The following SYTL3 variants were observed in gnomAD, a reference collection of about 807,000 sequenced individuals.
SYTL3 encodes the protein synaptotagmin-like protein 3.
SYTL3 carries 88 observed loss-of-function variants against 82.1 expected under a neutral mutation model. The observed-to-expected ratio is 1.07, with a 90% CI of 0.90 to 1.28. SYTL3 has a LOEUF of 1.28. SYTL3 is among the 50% of genes most tolerant of loss of function. The pLI, the probability that SYTL3 is intolerant of heterozygous loss-of-function variation, is 0.00. For synonymous variants in SYTL3, 311 were observed against 289.4 expected, an observed-to-expected ratio of 1.07 and a Z score of -0.76; for missense variants, 831 against 757.6, an observed-to-expected ratio of 1.10 and a Z score of -1.14.
rs71030191 is a variant in SYTL3, at chr6:158,693,855, C to CTTTTCTTTTCTTTTTTT, written c.394+10870_394+10871insCTTTTCTTTTTTTTTTT. Among the ~76,000 whole-genome samples the CTTTTCTTTTCTTTTTTT allele has an allele frequency of 2.3e-3, 226 of 96,786 alleles. 8 individuals carry two copies. Among genetic ancestry groups the CTTTTCTTTTCTTTTTTT allele is most frequent in the Non-Finnish European group, 2.9e-3 (155 of 52,652 alleles). 63.5% of individuals were successfully genotyped at this position (96,786 alleles called of 152,430 possible). A position where few individuals can be genotyped will look rare whatever the true frequency, so the allele number is the denominator to read the frequency against. ...TGCATCCAGCCTTTCTTTTTCTTTT[C>CTTTTCTTTTCTTTTTTT]TTTTTTTTTTTTTTTTTTGTAGATA... On this transcript the variant is annotated intron_variant, in intron 6 of 17. Transcript: ENST00000611299.
chr6:158,715,611 A>ACACACACACACACG (rs1783288329), intron 9 of SYTL3, among the ~76,000 whole-genome samples: 2 of 142,406 alleles, frequency 1.4e-5, no homozygotes, highest in Non-Finnish European at 3.1e-5. Context: ...ACACACACAC[A>ACACACACACACACG]CACACGCACG....
chr6:158,658,769 AC>A (rs1157511565), intron 2 of SYTL3, among the ~76,000 whole-genome samples: 1 of 80,112 alleles, frequency 1.2e-5, no homozygotes, highest in Non-Finnish European at 2.4e-5. Flanking sequence ...TACTAAAAAT[AC>A]AAAAAAAAAT....
intron 6 of SYTL3, among the ~76,000 whole-genome samples, chr6:158,704,686 C>T (rs1781786625): frequency 6.6e-6 from 1 of 152,272 alleles, no homozygotes; most frequent in South Asian, 2.1e-4. Flanking sequence ...TGGGCCTGGA[C>T]TTCAGACCAC....
At chr6:158,754,917 A>G (rs937584064) in intron 13 of SYTL3, among the ~76,000 whole-genome samples, 11 of 152,226 alleles carry the variant, frequency 7.2e-5, no homozygotes, top group Non-Finnish European at 8.8e-5. Flanking sequence ...TAACCGCTTC[A>G]TTTCTCAGAG....
At chr6:158,750,791 G>A (rs1050809569) in intron 12 of SYTL3, among the ~76,000 whole-genome samples, 4 of 152,046 alleles carry the variant, frequency 2.6e-5, no homozygotes, top group African/African-American at 4.8e-5. Context: ...GCCAGTTTTT[G>A]GGTTGTTTTG....
chr6:158,689,025 T>G lies in SYTL3; in HGVS notation c.394+6036T>G, dbSNP rs184261413. The stretch of plus-strand genomic sequence containing the variant: ...CATTGGCTATATGATTTCTGATGAG[T>G]GTATCTCACCCCGTCATAGGAATGT... On this transcript the variant is annotated intron_variant, in intron 6 of 17. Transcript: ENST00000611299. 2.9e-3 allele frequency among the ~76,000 whole-genome samples: 441 copies of G among 152,330 alleles called. 1 individual carries two copies. Among genetic ancestry groups the G allele is most frequent in the Admixed American group, 6.4e-3 (98 of 15,300 alleles).
intron 5 of SYTL3, among the ~76,000 whole-genome samples, chr6:158,666,361 T>C (rs931050810): frequency 2.0e-5 from 3 of 152,214 alleles, no homozygotes; most frequent in African/African-American, 7.2e-5. Flanking sequence ...TAGTTATCAA[T>C]TGGTGTTTAG....
chr6:158,747,240 G>A (rs961043165), intron 12 of SYTL3, among the ~76,000 whole-genome samples: 3 of 152,218 alleles, frequency 2.0e-5, no homozygotes, highest in Non-Finnish European at 4.4e-5. Context: ...ACCCGCCTTG[G>A]CCTCCCAGAG....
At chr6:158,719,289 T>C (rs1783794491) in intron 10 of SYTL3, among the ~76,000 whole-genome samples, 1 of 152,124 alleles carries the variant, frequency 6.6e-6, no homozygotes, top group African/African-American at 2.4e-5. Context: ...ATTTTACATG[T>C]AAAGAAATGG....
chr6:158,654,543 C>T (rs1162494281), intron 2 of SYTL3, among the ~76,000 whole-genome samples: 7 of 152,208 alleles, frequency 4.6e-5, no homozygotes, highest in Non-Finnish European at 1.0e-4. Context: ...ACTTCCTACT[C>T]TTGGGCCTTC....
chr6:158,681,246 A>G (rs1261114604), intron 5 of SYTL3, among the ~76,000 whole-genome samples: 1 of 152,160 alleles, frequency 6.6e-6, no homozygotes, highest in African/African-American at 2.4e-5. Flanking sequence ...TCTGAGATTG[A>G]GGTTGAGTAT....
At chr6:158,688,174 C>T (rs371724927) in intron 6 of SYTL3, among the ~76,000 whole-genome samples, 9 of 152,088 alleles carry the variant, frequency 5.9e-5, no homozygotes, top group African/African-American at 7.2e-5. Flanking sequence ...AACCTGTTCC[C>T]GAGTGTCTGT....
At chr6:158,683,014 A>G (rs1430865044) in intron 6 of SYTL3, 25 bp downstream of exon 6, 2 of 1,523,632 alleles carry the variant, frequency 1.3e-6, no homozygotes, top group African/African-American at 1.4e-5. Context: ...CTTTTTTAGT[A>G]AAGTAAAATG....
chr6:158,672,676 G>A (rs1777536721), intron 5 of SYTL3, among the ~76,000 whole-genome samples: 1 of 150,774 alleles, frequency 6.6e-6, no homozygotes, highest in African/African-American at 2.4e-5. Context: ...CTGTCGCCCA[G>A]GCTGGAGTGC....
At chr6:158,684,682 A>G (rs1407980264) in intron 6 of SYTL3, among the ~76,000 whole-genome samples, 2 of 152,142 alleles carry the variant, frequency 1.3e-5, no homozygotes, top group African/African-American at 2.4e-5. Context: ...ACCTCACCCA[A>G]AAGTTTGTTG....
chr6:158,712,009 G>A (rs1299637663), intron 8 of SYTL3, among the ~76,000 whole-genome samples: 1 of 152,208 alleles, frequency 6.6e-6, no homozygotes, highest in Non-Finnish European at 1.5e-5. Flanking sequence ...ATGCAGCCCA[G>A]TAGGTCTCGG....
At chr6:158,719,613 C>T (rs151243116) in intron 10 of SYTL3, among the ~76,000 whole-genome samples, 1,604 of 152,308 alleles carry the variant, frequency 0.011, 16 homozygotes, top group Non-Finnish European at 0.015. Flanking sequence ...GTCAGCTTCC[C>T]GGGGTCTACA....
intron 11 of SYTL3, among the ~76,000 whole-genome samples, chr6:158,742,678 C>G (rs562528688): frequency 6.6e-6 from 1 of 151,880 alleles, no homozygotes; most frequent in South Asian, 2.1e-4. Context: ...TGGATTCAAG[C>G]TATTATCCTG....
upstream of SYTL3, among the ~76,000 whole-genome samples, chr6:158,649,324 CT>C (rs1429053212): frequency 6.6e-6 from 1 of 152,230 alleles, no homozygotes; most frequent in Non-Finnish European, 1.5e-5. Context: ...TTCCATGGCT[CT>C]GCTTCATGTC....
Sources: allele counts gnomAD v4.1 joint callset (sites outside exome capture counted in the v4.1 genomes callset), GRCh38; gene constraint gnomAD v4.1.1; transcripts MANE v1.5; gene names NCBI Gene and HGNC (gene_info 2026-07-23, HGNC 2026-07-21).